SERTAD2: variants seen among roughly 807,000 people sequenced by gnomAD.
The protein encoded by SERTAD2 is SERTA domain-containing protein 2.
A neutral mutation model predicts 15.4 loss-of-function variants in SERTAD2; 2 were observed. The observed-to-expected ratio is 0.13, with a 90% CI of 0.05 to 0.41. SERTAD2 has a LOEUF of 0.41. Among genes scored for constraint, SERTAD2 ranks in the 10% least tolerant of loss-of-function variants. SERTAD2 has a pLI of 0.99. For missense variants in SERTAD2, 333 were observed against 409.7 expected (o/e 0.81, Z 1.62); for synonymous variants, 180 against 178.0 (o/e 1.01, Z -0.09).
At chr2:64,646,433 T>A (rs1169768084) in intron 1 of SERTAD2, 1 of 152,124 alleles carries the variant, frequency 6.6e-6, no homozygotes, top group Non-Finnish European at 1.5e-5. Context: ...AGAAGAAAGC[T>A]ATTAGTGCTC....
chr2:64,646,583 C>G (rs1464027102), intron 1 of SERTAD2: 6 of 152,214 alleles, frequency 3.9e-5, no homozygotes, highest in Non-Finnish European at 7.3e-5. Flanking sequence ...CTACCTACAG[C>G]TCTCTCAAAG....
chr2:64,650,767 T>C (rs1162607034), intron 1 of SERTAD2, among the ~76,000 whole-genome samples: 3 of 152,244 alleles, frequency 2.0e-5, no homozygotes, highest in South Asian at 2.1e-4. Flanking sequence ...GAGTTGTGCA[T>C]ATAAAGTGGC....
At chr2:64,651,995 A>C (rs927173686) in intron 1 of SERTAD2, among the ~76,000 whole-genome samples, 4 of 152,218 alleles carry the variant, frequency 2.6e-5, no homozygotes, top group Admixed American at 2.0e-4. Flanking sequence ...CAAGTAAAAA[A>C]AAAAAACTGT....
In SERTAD2 at chr2:64,636,686, G is replaced by A. The variant is rs990026411; in HGVS notation, c.186C>T (p.Thr62=). 13 of 1,614,120 alleles carry A rather than the reference G, an allele frequency of 8.1e-6. No homozygotes were observed. Among genetic ancestry groups the A allele is most frequent in the Middle Eastern group, 1.6e-4 (1 of 6,062 alleles). ...GCCTCAACATGTTGTTAATTAAAAC[G>A]GTCTTTTGCAAGCTGGGCTCTGTCA... ...RPLTEPSLQK[T]VLINNMLRRI... Residue 62 remains threonine, a synonymous_variant, in exon 2 of 2, where the codon ACC becomes ACT. Coordinates refer to ENST00000313349, the MANE Select transcript of SERTAD2 (RefSeq NM_014755.3).
chr2:64,642,728 G>A (rs1447967519), intron 1 of SERTAD2, among the ~76,000 whole-genome samples: 2 of 152,150 alleles, frequency 1.3e-5, no homozygotes, highest in Non-Finnish European at 2.9e-5. Context: ...GGTTGGGGGG[G>A]CAGGGGCAGT....
intron 1 of SERTAD2, among the ~76,000 whole-genome samples, chr2:64,652,521 A>T (rs886139172): frequency 3.3e-5 from 5 of 152,214 alleles, no homozygotes; most frequent in African/African-American, 1.2e-4. Flanking sequence ...CACATTATGG[A>T]TATTTCTTAA....
chr2:64,645,363 G>A (rs988054848), intron 1 of SERTAD2, among the ~76,000 whole-genome samples: 12 of 147,618 alleles, frequency 8.1e-5, no homozygotes, highest in African/African-American at 3.0e-4. Flanking sequence ...AATCCTCCCG[G>A]CTTTCTTGAC....
intron 1 of SERTAD2, among the ~76,000 whole-genome samples, chr2:64,651,487 T>A (rs1421014900): frequency 6.6e-6 from 1 of 152,234 alleles, no homozygotes; most frequent in African/African-American, 2.4e-5. Flanking sequence ...GGAACCCTGT[T>A]TAAAATAGCA....
intron 1 of SERTAD2, among the ~76,000 whole-genome samples, chr2:64,639,033 T>A (rs1674717661): frequency 2.0e-5 from 3 of 152,256 alleles, no homozygotes; most frequent in Non-Finnish European, 1.5e-5. Flanking sequence ...GCTTATAATT[T>A]AAGCATTTAA....
chr2:64,634,759 T>TTTCGGATGTAAAATTTTG lies in SERTAD2; in HGVS notation c.*1150_*1167dup, dbSNP rs1396325024. The TTTCGGATGTAAAATTTTG allele has an allele frequency of 6.6e-6, 1 of 152,196 alleles. No individual in the cohort carries two copies. Among genetic ancestry groups the TTTCGGATGTAAAATTTTG allele is most frequent in the Admixed American group, 6.5e-5 (1 of 15,284 alleles). 9.4% of individuals were successfully genotyped at this position (152,196 alleles called of 1,614,324 possible). On this transcript the variant is annotated 3_prime_UTR_variant, in exon 2 of 2. Coordinates refer to ENST00000313349, the MANE Select transcript of SERTAD2 (RefSeq NM_014755.3). Reference sequence around the variant, plus strand: ...GAGTTCCATGAAGAAGTTGGTTGCTTTTCGGATGTAAAATTTTGTTCGGAT... The same window carrying TTTCGGATGTAAAATTTTG: ...GAGTTCCATGAAGAAGTTGGTTGCTTTTCGGATGTAAAATTTTGTTCGGATGTAAAATTTTGTTCGGAT...
Position 64,640,673 on chromosome 2 carries a change from G to T in SERTAD2, c.-4-3798C>A, listed in dbSNP as rs373827902. Among the ~76,000 whole-genome samples, 20 of 152,220 alleles carry T rather than the reference G, an allele frequency of 1.3e-4. No individual in the cohort carries two copies. In the South Asian group the frequency reaches 3.7e-3, roughly 28 times the overall value. ...GGGGGGCCTGGAGTTCACGAAAGGGGGGCCTGTGACCCATTGGCTTCCTAG... is the reference window on the plus strand; with the variant it reads ...GGGGGGCCTGGAGTTCACGAAAGGGTGGCCTGTGACCCATTGGCTTCCTAG... On this transcript the variant is annotated intron_variant, in intron 1 of 1. Transcript: ENST00000313349.
intron 1 of SERTAD2, among the ~76,000 whole-genome samples, chr2:64,642,932 T>A (rs1173407251): frequency 4.6e-5 from 1 of 21,956 alleles, no homozygotes; most frequent in African/African-American, 2.0e-4. Context: ...TGATAGACTT[T>A]TCTACTCTGG....
At chr2:64,639,604 C>T (rs1417298177) in intron 1 of SERTAD2, among the ~76,000 whole-genome samples, 1 of 152,170 alleles carries the variant, frequency 6.6e-6, no homozygotes, top group Non-Finnish European at 1.5e-5. Context: ...TTCTTACAGT[C>T]ATCAATGCAG....
At chr2:64,645,026 G>C (rs1674864184) in intron 1 of SERTAD2, 1 of 121,962 alleles carries the variant, frequency 8.2e-6, no homozygotes. Context: ...AAGTTCTATG[G>C]ATCGGGATGC....
At chr2:64,644,119 G>A (rs1007698078) in intron 1 of SERTAD2, among the ~76,000 whole-genome samples, 7 of 152,316 alleles carry the variant, frequency 4.6e-5, no homozygotes, top group Middle Eastern at 6.8e-3. Flanking sequence ...AAGGCTGGCA[G>A]CGGTCCTTCC....
At chr2:64,636,963 T>C in intron 1 of SERTAD2, 88 bp from the exon 2 acceptor site, 1 of 954,072 alleles carries the variant, frequency 1.0e-6, no homozygotes, top group Non-Finnish European at 1.6e-6. Context: ...AGGGCAGGAC[T>C]TGGACCTCAG....
rs752309481 is a variant in SERTAD2, at chr2:64,636,715, G to A, written c.157C>T (p.Pro53Ser). 125 of 1,614,038 alleles carry A rather than the reference G, an allele frequency of 7.7e-5. No homozygotes were observed. The highest frequency in any genetic ancestry group is 1.0e-4 in the Non-Finnish European group (120 of 1,180,036). The change falls in exon 2 of 2, where the codon CCC becomes TCC. Residue 53 changes from proline to serine, a missense_variant. Pro to Ser is a moderately conservative substitution (Grantham distance 74). Coordinates refer to ENST00000313349, the MANE Select transcript of SERTAD2 (RefSeq NM_014755.3). ...ISLMKLYNHR[P>S]LTEPSLQKTV... ...TTTTGCAAGCTGGGCTCTGTCAGGGGCCTGTGGTTATAGAGTTTCATAAGG... is the reference window on the plus strand; with the variant it reads ...TTTTGCAAGCTGGGCTCTGTCAGGGACCTGTGGTTATAGAGTTTCATAAGG...
At position 64,636,560 on chromosome 2, in the gene SERTAD2, C is replaced by T. The variant is rs201985620; in HGVS notation, c.312G>A (p.Pro104=). The T allele has an allele frequency of 3.2e-5, 51 of 1,587,016 alleles. 1 individual carries two copies. Among genetic ancestry groups the T allele is most frequent in the Middle Eastern group, 3.4e-4 (2 of 5,958 alleles). The change falls in exon 2 of 2, where the codon CCG becomes CCA. Residue 104 remains proline (P), a synonymous_variant. Transcript: ENST00000313349. ...GGGACGCCAGGTGGCTGAAGGCCGG[C>T]GGGGCCTCTCGGTAGCTGTCGCTGG... ...TEPSDSYREA[P]PAFSHLASPS...
intron 1 of SERTAD2, among the ~76,000 whole-genome samples, chr2:64,648,368 A>G (rs1255088472): frequency 6.6e-6 from 1 of 152,216 alleles, no homozygotes; most frequent in Non-Finnish European, 1.5e-5. Context: ...AGAAAGAAAA[A>G]GGCAATGAGG....
Sources: gnomAD v4.1 joint callset for allele counts (sites outside exome capture counted in the v4.1 genomes callset) on GRCh38, gnomAD v4.1.1 for gene constraint, MANE v1.5 for transcripts, NCBI Gene and HGNC (gene_info 2026-07-23, HGNC 2026-07-21) for gene names.